USH2A: variants seen among roughly 807,000 people sequenced by gnomAD.
USH2A encodes Usher syndrome 2A (autosomal recessive, mild).
In USH2A, 443 loss-of-function variants were observed where a neutral mutation model predicts 538.9. The observed-to-expected ratio is 0.82, with a 90% CI of 0.76 to 0.89. The LOEUF is 0.89. USH2A is among the 40% of genes least tolerant of loss of function. The pLI is 0.00. For synonymous variants in USH2A, 2,413 were observed against 2,273.5 expected (o/e 1.06, Z -1.75); for missense variants, 6,633 against 6,324.8 (o/e 1.05, Z -1.65).
chr1:216,182,686 A>C (rs1446015605), intron 20 of USH2A, among the ~76,000 whole-genome samples: 1 of 152,142 alleles, frequency 6.6e-6, no homozygotes, highest in Non-Finnish European at 1.5e-5. Flanking sequence ...TTGTGTATAC[A>C]AACAGTAATA....
At chr1:215,748,120 T>A (rs1164463660) in intron 58 of USH2A, among the ~76,000 whole-genome samples, 1 of 152,136 alleles carries the variant, frequency 6.6e-6, no homozygotes, top group Non-Finnish European at 1.5e-5. Context: ...CTGGATCTCC[T>A]GACCTCATGA....
intron 50 of USH2A, among the ~76,000 whole-genome samples, chr1:215,798,256 A>G (rs1662200665): frequency 6.6e-6 from 1 of 152,184 alleles, no homozygotes; most frequent in Admixed American, 6.6e-5. Flanking sequence ...TACTGTGAAC[A>G]TTAACTTCAT....
In USH2A at chr1:216,360,593, C is replaced by T. The variant is rs368655995; in HGVS notation, c.784+4360G>A. Reference sequence around the variant, plus strand: ...TGTAACAAATATACCATATACCGCTCTGGTGAGGGATATTGACAATGGGGA... The same window carrying T: ...TGTAACAAATATACCATATACCGCTTTGGTGAGGGATATTGACAATGGGGA... On this transcript the variant is annotated intron_variant, in intron 4 of 71. Coordinates refer to ENST00000307340, the MANE Select transcript of USH2A (RefSeq NM_206933.4). Among the ~76,000 whole-genome samples the T allele has an allele frequency of 9.2e-5, 14 of 152,080 alleles. No individual in the cohort carries two copies. In the South Asian group the frequency reaches 2.9e-3, roughly 32 times the overall value.
intron 14 of USH2A, among the ~76,000 whole-genome samples, chr1:216,223,027 A>C (rs1253058834): frequency 5.3e-5 from 8 of 151,228 alleles, no homozygotes; most frequent in Admixed American, 5.3e-4. Flanking sequence ...AAAAGCTGGG[A>C]AAATCAAGGA....
chr1:215,885,872 C>T (rs1246749354), intron 41 of USH2A, among the ~76,000 whole-genome samples: 1 of 152,194 alleles, frequency 6.6e-6, no homozygotes, highest in African/African-American at 2.4e-5. Context: ...TATTATCCCC[C>T]ACCCTATCAG....
intron 11 of USH2A, among the ~76,000 whole-genome samples, chr1:216,282,894 G>A (rs2036809364): frequency 6.6e-6 from 1 of 151,996 alleles, no homozygotes; most frequent in Non-Finnish European, 1.5e-5. Flanking sequence ...TTTCAGCAAT[G>A]TTTTATGGTT....
At chr1:215,936,303 C>A (rs966872614) in intron 37 of USH2A, among the ~76,000 whole-genome samples, 4 of 151,870 alleles carry the variant, frequency 2.6e-5, no homozygotes, top group South Asian at 2.1e-4. Flanking sequence ...GTATAGTATA[C>A]AAAATGCAAG....
intron 27 of USH2A, among the ~76,000 whole-genome samples, chr1:216,076,334 A>G (rs968444230): frequency 1.2e-4 from 19 of 152,230 alleles, no homozygotes; most frequent in African/African-American, 4.6e-4. Flanking sequence ...AATATCTTCC[A>G]GTATCACAGA....
intron 60 of USH2A, among the ~76,000 whole-genome samples, chr1:215,733,381 G>A (rs1660063468): frequency 6.6e-6 from 1 of 152,124 alleles, no homozygotes; most frequent in Non-Finnish European, 1.5e-5. Flanking sequence ...TCTGTTTTTA[G>A]CATGAGATTT....
At chr1:215,695,269 C>A (rs1169285607) in intron 61 of USH2A, among the ~76,000 whole-genome samples, 1 of 152,174 alleles carries the variant, frequency 6.6e-6, no homozygotes, top group Admixed American at 6.5e-5. Context: ...GCCAAATCCA[C>A]CTTTGACTTT....
Position 215,934,438 on chromosome 1 carries a change from G to A in USH2A, c.7300+178C>T, listed in dbSNP as rs140194195. ...AGTCTCAACAAAACAATAAAAGATC[G>A]TCAATTAAAGAATCTGAATAAACAA... On this transcript the variant is annotated intron_variant, in intron 38 of 71. Coordinates refer to ENST00000307340, the MANE Select transcript of USH2A (RefSeq NM_206933.4). Among the ~76,000 whole-genome samples, 251 of 151,892 alleles carry A rather than the reference G, an allele frequency of 1.7e-3. 1 individual carries two copies. The highest frequency in any genetic ancestry group is 5.9e-3 in the African/African-American group (245 of 41,440).
intron 41 of USH2A, among the ~76,000 whole-genome samples, chr1:215,887,688 A>G (rs1305676992): frequency 6.6e-6 from 1 of 152,244 alleles, no homozygotes; most frequent in Non-Finnish European, 1.5e-5. Flanking sequence ...AACACACAAC[A>G]TAGATCCAAG....
At chr1:216,080,276 GTTCTT>G (rs1435401697) in intron 26 of USH2A, among the ~76,000 whole-genome samples, 1 of 152,002 alleles carries the variant, frequency 6.6e-6, no homozygotes, top group Non-Finnish European at 1.5e-5. Flanking sequence ...GTAGAAAATA[GTTCTT>G]TTAAGTGACA....
At chr1:215,774,246 A>T (rs1267349251) in intron 55 of USH2A, among the ~76,000 whole-genome samples, 1 of 151,966 alleles carries the variant, frequency 6.6e-6, no homozygotes, top group Non-Finnish European at 1.5e-5. Context: ...TTGCGTTATT[A>T]ATTCTATATT....
At position 215,742,193 on chromosome 1, in the gene USH2A, G is replaced by A. The variant is rs577837573; in HGVS notation, c.11549-656C>T. On this transcript the variant is annotated intron_variant, in intron 59 of 71. Transcript: ENST00000307340. Reference sequence around the variant, plus strand: ...CAAACTGACTAGCCATTTCTGATGAGTTCAGCAGAGCAAAATTGCAGACTC... The same window carrying A: ...CAAACTGACTAGCCATTTCTGATGAATTCAGCAGAGCAAAATTGCAGACTC... Among the ~76,000 whole-genome samples, 5 of 152,266 alleles carry A rather than the reference G, an allele frequency of 3.3e-5. No homozygotes were observed. In the South Asian group the frequency reaches 6.2e-4, roughly 19 times the overall value.
intron 60 of USH2A, among the ~76,000 whole-genome samples, chr1:215,738,888 AG>A (rs1292041098): frequency 6.6e-6 from 1 of 152,148 alleles, no homozygotes; most frequent in Non-Finnish European, 1.5e-5. Flanking sequence ...AACTATATAA[AG>A]GGCTCTATGT....
chr1:215,995,913 C>CT (rs930490336), intron 34 of USH2A, among the ~76,000 whole-genome samples: 3 of 152,028 alleles, frequency 2.0e-5, no homozygotes, highest in East Asian at 1.9e-4. Context: ...CTAGCATTCT[C>CT]TTTTTTTGTT....
intron 44 of USH2A, among the ~76,000 whole-genome samples, chr1:215,850,523 G>T (rs1427894322): frequency 7.2e-5 from 11 of 152,004 alleles, no homozygotes; most frequent in Non-Finnish European, 4.4e-5. Context: ...GGGGAATGGT[G>T]GATTCACTAG....
chr1:216,338,404 G>T (rs1237235373), intron 4 of USH2A, among the ~76,000 whole-genome samples: 1 of 151,388 alleles, frequency 6.6e-6, no homozygotes, highest in Non-Finnish European at 1.5e-5. Context: ...ACAAGAATGT[G>T]CCAATAAAGA....
Sources: gnomAD v4.1 joint callset for allele counts (sites outside exome capture counted in the v4.1 genomes callset) on GRCh38, gnomAD v4.1.1 for gene constraint, MANE v1.5 for transcripts, NCBI Gene and HGNC (gene_info 2026-07-23, HGNC 2026-07-21) for gene names.